CNTNAP2: variants seen among roughly 807,000 people sequenced by gnomAD.
CNTNAP2 encodes contactin-associated protein-like 2.
Under a neutral mutation model 155.2 loss-of-function variants are expected in CNTNAP2, and 98 were observed. That is an observed-to-expected ratio of 0.63 (90% CI 0.54 to 0.75). The LOEUF (loss-of-function observed/expected upper bound fraction) is 0.75. Ranked by LOEUF, CNTNAP2 falls within the 30% of genes least tolerant of loss-of-function variation. The pLI, the probability that CNTNAP2 is intolerant of heterozygous loss-of-function variation, is 0.00. For missense variants in CNTNAP2, 1,727 were observed against 1,688.1 expected, an observed-to-expected ratio of 1.02 and a Z score of -0.40; for synonymous variants, 651 against 631.2, an observed-to-expected ratio of 1.03 and a Z score of -0.47.
intron 15 of CNTNAP2, among the ~76,000 whole-genome samples, chr7:148,029,652 C>G (rs1383794350): frequency 6.6e-6 from 1 of 152,164 alleles, no homozygotes; most frequent in Non-Finnish European, 1.5e-5. Context: ...TCCATACTAT[C>G]TTTTAATTAC....
intron 2 of CNTNAP2, among the ~76,000 whole-genome samples, chr7:146,785,637 T>C (rs1430566338): frequency 6.6e-6 from 1 of 152,206 alleles, no homozygotes; most frequent in Non-Finnish European, 1.5e-5. Flanking sequence ...TCGTAGCCAA[T>C]TGGAATCTAG....
chr7:147,140,376 A>G (rs576711771), intron 8 of CNTNAP2, among the ~76,000 whole-genome samples: 5 of 152,030 alleles, frequency 3.3e-5, no homozygotes, highest in African/African-American at 9.6e-5. Flanking sequence ...CTCACCTCCA[A>G]TTTCCCAGGA....
chr7:146,332,447 T>A (rs571089058), intron 1 of CNTNAP2, among the ~76,000 whole-genome samples: 20 of 152,294 alleles, frequency 1.3e-4, no homozygotes, highest in African/African-American at 4.6e-4. Flanking sequence ...AGTAATAAAG[T>A]TGAAAATGCA....
At chr7:148,044,015 G>A (rs181404505) in intron 15 of CNTNAP2, among the ~76,000 whole-genome samples, 3 of 152,202 alleles carry the variant, frequency 2.0e-5, no homozygotes, top group African/African-American at 7.2e-5. Context: ...TTAAAGATAC[G>A]TTTCACTTGA....
At chr7:147,245,250 T>G (rs552580419) in intron 8 of CNTNAP2, among the ~76,000 whole-genome samples, 8 of 152,284 alleles carry the variant, frequency 5.3e-5, no homozygotes, top group Non-Finnish European at 1.2e-4. Context: ...AAAATATCCC[T>G]TTTCTAAAAA....
chr7:147,989,412 A>C (rs1801674147), intron 15 of CNTNAP2, among the ~76,000 whole-genome samples: 1 of 152,196 alleles, frequency 6.6e-6, no homozygotes, highest in Admixed American at 6.5e-5. Context: ...AACATCACTG[A>C]GTTTGCTCCA....
intron 15 of CNTNAP2, among the ~76,000 whole-genome samples, chr7:148,014,668 A>C (rs1802143609): frequency 2.0e-5 from 3 of 152,250 alleles, no homozygotes; most frequent in Admixed American, 6.5e-5. Context: ...TGATATAAAG[A>C]GCTCGAAGAA....
chr7:147,044,153 C>A, intron 4 of CNTNAP2, 99 bp downstream of exon 4: 4 of 1,300,598 alleles, frequency 3.1e-6, no homozygotes, highest in Non-Finnish European at 4.4e-6. Flanking sequence ...CTTTCTCTGA[C>A]AATAAACTAC....
rs142801037 is a variant in CNTNAP2 at position 148,358,704 on chromosome 7, A to G, written c.3476-24945A>G. ...AGCGCGTAATCAGGAATGCATTAGAATAAAGCAGTTAGGAGCAGAGTAACA... is the reference window on the plus strand; with the variant it reads ...AGCGCGTAATCAGGAATGCATTAGAGTAAAGCAGTTAGGAGCAGAGTAACA... On this transcript the variant is annotated intron_variant, in intron 21 of 23. Coordinates refer to ENST00000361727, the MANE Select transcript of CNTNAP2 (RefSeq NM_014141.6). 7.4e-3 allele frequency among the ~76,000 whole-genome samples: 1,131 copies of G among 152,352 alleles called. 11 individuals carry two copies. Among genetic ancestry groups the G allele is most frequent in the African/African-American group, 0.025 (1,033 of 41,574 alleles).
chr7:146,458,511 G>T (rs2129123972), intron 1 of CNTNAP2, among the ~76,000 whole-genome samples: 1 of 152,272 alleles, frequency 6.6e-6, no homozygotes, highest in East Asian at 1.9e-4. Flanking sequence ...TACAACATTA[G>T]ACAGTAGGGT....
chr7:146,196,338 A>T (rs898534270), intron 1 of CNTNAP2, among the ~76,000 whole-genome samples: 1 of 152,194 alleles, frequency 6.6e-6, no homozygotes, highest in Non-Finnish European at 1.5e-5. Flanking sequence ...GCGTTAGTTC[A>T]TGTTTGTCAT....
intron 1 of CNTNAP2, among the ~76,000 whole-genome samples, chr7:146,126,462 A>G (rs1797639401): frequency 6.6e-6 from 1 of 152,224 alleles, no homozygotes; most frequent in African/African-American, 2.4e-5. Context: ...CTTCTTCACA[A>G]TAAGGTACTT....
chr7:148,152,739 A>G (rs983821936), intron 17 of CNTNAP2, among the ~76,000 whole-genome samples: 1 of 152,146 alleles, frequency 6.6e-6, no homozygotes, highest in African/African-American at 2.4e-5. Flanking sequence ...GCTAAACTCT[A>G]GCTGGGCACG....
chr7:147,170,398 G>A (rs958105839), intron 8 of CNTNAP2, among the ~76,000 whole-genome samples: 7 of 152,144 alleles, frequency 4.6e-5, no homozygotes, highest in African/African-American at 1.7e-4. Context: ...AGCCACTGCT[G>A]ATCACCGGCA....
At chr7:147,353,064 T>C (rs1795994740) in intron 9 of CNTNAP2, among the ~76,000 whole-genome samples, 1 of 150,306 alleles carries the variant, frequency 6.7e-6, no homozygotes, top group African/African-American at 2.5e-5. Context: ...CAACTCTGTT[T>C]CAGCATGTAG....
intron 1 of CNTNAP2, among the ~76,000 whole-genome samples, chr7:146,483,322 TATATATAC>T (rs1563101795): frequency 3.5e-5 from 3 of 85,228 alleles, no homozygotes; most frequent in African/African-American, 1.3e-4. Flanking sequence ...TATATATATA[TATATATAC>T]ATATATATAT....
chr7:146,310,682 CT>C (rs1800804407), intron 1 of CNTNAP2, among the ~76,000 whole-genome samples: 1 of 152,010 alleles, frequency 6.6e-6, no homozygotes, highest in Non-Finnish European at 1.5e-5. Flanking sequence ...ATTGTGATTA[CT>C]TTTACTTACT....
chr7:147,874,436 G>A (rs1023341709), intron 13 of CNTNAP2, among the ~76,000 whole-genome samples: 2 of 152,326 alleles, frequency 1.3e-5, no homozygotes, highest in African/African-American at 4.8e-5. Flanking sequence ...AAAGCTTGGG[G>A]TTTGTGCCCT....
intron 11 of CNTNAP2, among the ~76,000 whole-genome samples, chr7:147,536,103 A>G (rs559276824): frequency 6.6e-6 from 1 of 152,302 alleles, no homozygotes; most frequent in African/African-American, 2.4e-5. Context: ...GCTACCCAAG[A>G]CAACTTTTAA....
Sources: allele counts gnomAD v4.1 joint callset (sites outside exome capture counted in the v4.1 genomes callset), GRCh38; gene constraint gnomAD v4.1.1; transcripts MANE v1.5; gene names NCBI Gene and HGNC (gene_info 2026-07-23, HGNC 2026-07-21).